HTATIP2: variants seen among roughly 807,000 people sequenced by gnomAD.
HTATIP2 encodes protein HTATIP2.
HTATIP2 carries 26 observed loss-of-function variants against 24.7 expected under a neutral mutation model. The observed-to-expected ratio is 1.05, with a 90% CI of 0.77 to 1.46. The LOEUF (loss-of-function observed/expected upper bound fraction) is 1.46. Ranked by LOEUF, HTATIP2 falls within the 40% of genes most tolerant of loss-of-function variation. The pLI is 0.00. For missense variants in HTATIP2, 284 were observed against 289.6 expected, an observed-to-expected ratio of 0.98 and a Z score of 0.14; for synonymous variants, 99 against 113.2, an observed-to-expected ratio of 0.87 and a Z score of 0.79.
intron 1 of HTATIP2, 104 bp downstream of exon 1, chr11:20,364,536 G>GT: frequency 9.8e-7 from 1 of 1,023,384 alleles, no homozygotes; most frequent in Non-Finnish European, 1.4e-6. Context: ...TGGGGGTAGT[G>GT]AGAGGCCATC....
At chr11:20,374,121 G>A (rs559010033) in intron 2 of HTATIP2, among the ~76,000 whole-genome samples, 9 of 152,264 alleles carry the variant, frequency 5.9e-5, no homozygotes, top group Admixed American at 3.3e-4. Flanking sequence ...TGTGAGTGAT[G>A]GGAAAGGAGG....
intron 2 of HTATIP2, 80 bp from the exon 3 acceptor site, chr11:20,376,500 C>G (rs1848448847): frequency 2.7e-6 from 4 of 1,504,674 alleles, no homozygotes; most frequent in Non-Finnish European, 3.7e-6. Context: ...GGCCTCCCAG[C>G]CTGCTACCCA....
In HTATIP2 at chr11:20,371,725, C is replaced by G. The variant is rs529608149; in HGVS notation, c.303+4444C>G. On this transcript the variant is annotated intron_variant, in intron 2 of 4. Coordinates refer to ENST00000451739, the MANE Select transcript of HTATIP2 (RefSeq NM_001098522.2). ...AAGTGCTGGGATTACCATGAGCCAT[C>G]GCACCCGGCCTGAAAAATTCTTTGA... 2.0e-5 allele frequency among the ~76,000 whole-genome samples: 3 copies of G among 152,198 alleles called. No homozygotes were observed. In the South Asian group the frequency reaches 6.2e-4, roughly 32 times the overall value.
At chr11:20,375,428 G>A (rs534108380) in intron 2 of HTATIP2, among the ~76,000 whole-genome samples, 89 of 152,202 alleles carry the variant, frequency 5.8e-4, no homozygotes, top group African/African-American at 2.0e-3. Flanking sequence ...AAAATTAGCC[G>A]GACATGGTGA....
At chr11:20,369,859 T>C (rs568069698) in intron 2 of HTATIP2, among the ~76,000 whole-genome samples, 24 of 152,314 alleles carry the variant, frequency 1.6e-4, no homozygotes, top group African/African-American at 5.8e-4. Flanking sequence ...ACCCACAAAA[T>C]TCAGTCTACT....
chr11:20,377,283 A>T (rs1848461302), intron 3 of HTATIP2, among the ~76,000 whole-genome samples: 1 of 152,012 alleles, frequency 6.6e-6, no homozygotes, highest in Non-Finnish European at 1.5e-5. Flanking sequence ...GGGTTTTGCC[A>T]TGTTGCCCAG....
chr11:20,364,633 T>C (rs553909509), intron 1 of HTATIP2, among the ~76,000 whole-genome samples: 4 of 152,128 alleles, frequency 2.6e-5, no homozygotes. Flanking sequence ...CTCCCGCTCA[T>C]TGTGTGGTCT....
Position 20,383,045 on chromosome 11 carries a change from C to T in HTATIP2, c.569C>T (p.Ser190Phe), listed in dbSNP as rs1848545592. 6.2e-7 allele frequency: 1 copy of T among 1,613,656 alleles called. No homozygotes were observed. Among genetic ancestry groups the T allele is most frequent in the South Asian group, 1.1e-5 (1 of 91,058 alleles). ...TGGCTGGTTAGAAAGTTCTTTGGCTCCTTACCAGACTCTTGGGCCAGTGGG... is the reference window on the plus strand; with the variant it reads ...TGGCTGGTTAGAAAGTTCTTTGGCTTCTTACCAGACTCTTGGGCCAGTGGG... The part of the protein sequence containing the change: ...GEWLVRKFFG[S>F]LPDSWASGHS... The change falls in exon 5 of 5, where the codon TCC (serine) becomes TTC (phenylalanine). Residue 190 changes from serine to phenylalanine, a missense_variant. Physicochemically the swap from Ser to Phe is radical, Grantham distance 155. Transcript: ENST00000451739.
chr11:20,367,451 G>T, intron 2 of HTATIP2, 170 bp downstream of exon 2: 1 of 1,483,510 alleles, frequency 6.7e-7, no homozygotes, highest in Non-Finnish European at 8.9e-7. Flanking sequence ...TAATAGTACT[G>T]ATAAGTTCGT....
chr11:20,366,845 C>T (rs1414253121), intron 1 of HTATIP2, among the ~76,000 whole-genome samples: 1 of 152,176 alleles, frequency 6.6e-6, no homozygotes, highest in African/African-American at 2.4e-5. Context: ...AACGCCATCT[C>T]TTGCCCTCAC....
chr11:20,375,189 C>G (rs138003655), intron 2 of HTATIP2, among the ~76,000 whole-genome samples: 1 of 151,972 alleles, frequency 6.6e-6, no homozygotes, highest in Non-Finnish European at 1.5e-5. Context: ...TCCTAAGGTA[C>G]CTTCTAACAT....
intron 2 of HTATIP2, chr11:20,376,319 G>A (rs1270979473): frequency 6.6e-6 from 3 of 453,666 alleles, no homozygotes; most frequent in Non-Finnish European, 1.2e-5. Context: ...TTGCAGATTT[G>A]TTTGGTGTCT....
At chr11:20,377,460 C>T (rs1438622675) in intron 3 of HTATIP2, among the ~76,000 whole-genome samples, 5 of 152,164 alleles carry the variant, frequency 3.3e-5, no homozygotes, top group African/African-American at 1.2e-4. Flanking sequence ...CTATACATAT[C>T]CCTGTTTATT....
intron 1 of HTATIP2, among the ~76,000 whole-genome samples, chr11:20,365,059 G>A (rs1343774417): frequency 1.3e-5 from 2 of 149,732 alleles, no homozygotes; most frequent in African/African-American, 2.5e-5. Context: ...TCTCGGCTCA[G>A]TGCAACCTCT....
In HTATIP2 at chr11:20,383,113, A is replaced by G; in HGVS notation, c.637A>G (p.Asn213Asp). 1 of 1,614,088 alleles carries G rather than the reference A, an allele frequency of 6.2e-7. No individual in the cohort carries two copies. Residue 213 changes from asparagine to aspartate, a missense_variant, in exon 5 of 5, where the codon AAT (asparagine) becomes GAT (aspartate). Transcript: ENST00000451739. ...GACCGTGGTTAGAGCAATGCTGAAC[A>G]ATGTGGTGAGACCAAGAGACAAGCA... Reference protein sequence around the residue: ...VVTVVRAMLNNVVRPRDKQME... With the variant: ...VVTVVRAMLNDVVRPRDKQME...
At chr11:20,369,015 G>A (rs1321410022) in intron 2 of HTATIP2, among the ~76,000 whole-genome samples, 1 of 152,152 alleles carries the variant, frequency 6.6e-6, no homozygotes, top group Admixed American at 6.5e-5. Context: ...GAGGTTAGTG[G>A]TGGAAAGCAA....
In HTATIP2 at chr11:20,382,982, T is replaced by G; in HGVS notation, c.506T>G (p.Val169Gly). Residue 169 changes from valine (V) to glycine (G), a missense_variant and splice_region_variant, in exon 5 of 5, where the codon GTT becomes GGT. Val to Gly is a moderately radical substitution (Grantham distance 109, BLOSUM62 -3). Transcript: ENST00000451739. ...FDRYSVFRPG[V>G]LLCDRQESRP... ...TTTTTTTTTTTTTTTTATTTTAGAG[T>G]TCTGTTATGTGATAGGCAAGAATCT... is the stretch of plus-strand genomic sequence containing the variant. 1 of 1,607,080 alleles carries G rather than the reference T, an allele frequency of 6.2e-7. No homozygotes were observed. The highest frequency in any genetic ancestry group is 8.5e-7 in the Non-Finnish European group (1 of 1,176,842).
intron 3 of HTATIP2, among the ~76,000 whole-genome samples, chr11:20,381,760 A>G (rs1406064395): frequency 6.6e-6 from 1 of 152,214 alleles, no homozygotes; most frequent in African/African-American, 2.4e-5. Context: ...AGAAGTGAGT[A>G]ATATAGTGGG....
intron 2 of HTATIP2, among the ~76,000 whole-genome samples, chr11:20,370,870 C>T (rs755962938): frequency 2.7e-4 from 41 of 152,240 alleles, no homozygotes; most frequent in Non-Finnish European, 1.8e-4. Flanking sequence ...AGGATGGTCT[C>T]GATCTCCTGA....
Sources: allele counts gnomAD v4.1 joint callset (sites outside exome capture counted in the v4.1 genomes callset), GRCh38; gene constraint gnomAD v4.1.1; transcripts MANE v1.5; gene names NCBI Gene and HGNC (gene_info 2026-07-23, HGNC 2026-07-21).